CD9: variants seen among roughly 807,000 people sequenced by gnomAD.
CD9 encodes the protein CD9 molecule.
In CD9, 10 loss-of-function variants were observed where a neutral mutation model predicts 31.4. The observed-to-expected ratio is 0.32, with a 90% CI of 0.20 to 0.54. The LOEUF (loss-of-function observed/expected upper bound fraction) is 0.54, where lower values mean the gene tolerates loss of function less well. Among genes scored for constraint, CD9 ranks in the 20% least tolerant of loss-of-function variants. CD9 has a pLI of 0.94. For synonymous variants in CD9, 113 were observed against 114.1 expected, an observed-to-expected ratio of 0.99 and a Z score of 0.06; for missense variants, 259 against 300.1, an observed-to-expected ratio of 0.86 and a Z score of 1.01.
chr12:6,200,804 G>A (rs1946066358), intron 1 of CD9: 2 of 438,594 alleles, frequency 4.6e-6, no homozygotes, highest in Non-Finnish European at 8.0e-6. Context: ...GGCGTGGGGA[G>A]CCGGGCCCTC....
intron 2 of CD9, 39 bp downstream of exon 2, chr12:6,225,573 C>A: frequency 7.4e-7 from 1 of 1,359,732 alleles, no homozygotes; most frequent in Non-Finnish European, 1.1e-6. Flanking sequence ...CAGACCCTGG[C>A]TCCAACAAAG....
chr12:6,212,352 G>A (rs1946202185), intron 1 of CD9, among the ~76,000 whole-genome samples: 1 of 152,328 alleles, frequency 6.6e-6, no homozygotes, highest in Non-Finnish European at 1.5e-5. Flanking sequence ...GCAGGGCCTT[G>A]TAGTGTAATT....
rs1946352729 is a variant in CD9 at position 6,225,479 on chromosome 12, G to A, written c.120G>A (p.Gln40=). 1.2e-6 allele frequency: 2 copies of A among 1,613,950 alleles called. No homozygotes were observed. Among genetic ancestry groups the A allele is most frequent in the Non-Finnish European group, 1.7e-6 (2 of 1,179,846 alleles). Residue 40 remains glutamine (Q), a synonymous_variant, in exon 2 of 8, where the codon CAG becomes CAA. Transcript: ENST00000009180. ...AIGLWLRFDS[Q]TKSIFEQETN... ...GACTATGGCTCCGATTCGACTCTCA[G>A]ACCAAGAGCATCTTCGAGCAAGAAA...
At chr12:6,237,417 C>A (rs531870408) in intron 7 of CD9, among the ~76,000 whole-genome samples, 2 of 152,264 alleles carry the variant, frequency 1.3e-5, no homozygotes, top group East Asian at 3.9e-4. Flanking sequence ...ATAACATACA[C>A]ACAAAGACAA....
chr12:6,226,372 T>C (rs1303282498), intron 2 of CD9: 1 of 152,242 alleles, frequency 6.6e-6, no homozygotes, highest in East Asian at 1.9e-4. Context: ...TAGGAAACTT[T>C]TCATTTGTGA....
chr12:6,237,825 C>A lies in CD9; in HGVS notation c.684C>A (p.Val228=). The A allele has an allele frequency of 6.2e-7, 1 of 1,610,054 alleles. No individual in the cohort carries two copies. Among genetic ancestry groups the A allele is most frequent in the Non-Finnish European group, 8.5e-7 (1 of 1,176,404 alleles). ...CCAIRRNREM[V] ...CTATCCGCAGGAACCGCGAGATGGT[C>A]TAGAGTCAGCTTACATCCCTGAGCA... The change falls in exon 8 of 8, where the codon GTC becomes GTA. Residue 228 remains valine (V), a synonymous_variant. Transcript: ENST00000009180.
At chr12:6,225,603 C>T in intron 2 of CD9, 69 bp downstream of exon 2, 1 of 944,562 alleles carries the variant, frequency 1.1e-6, no homozygotes, top group East Asian at 2.4e-5. Flanking sequence ...CTTTGGAGGC[C>T]CCATGTTGAC....
At chr12:6,209,965 G>T (rs566054946) in intron 1 of CD9, among the ~76,000 whole-genome samples, 2 of 152,282 alleles carry the variant, frequency 1.3e-5, no homozygotes, top group East Asian at 3.9e-4. Flanking sequence ...GATTACAGGC[G>T]TGAGTCACCG....
intron 1 of CD9, among the ~76,000 whole-genome samples, chr12:6,209,484 G>A (rs1269770026): frequency 2.6e-5 from 4 of 152,096 alleles, no homozygotes; most frequent in Admixed American, 2.6e-4. Flanking sequence ...GCTCTCCATG[G>A]TGCAATGTAA....
At position 6,231,133 on chromosome 12, in the gene CD9, C is replaced by A. The variant is rs571722897; in HGVS notation, c.176-1499C>A. On this transcript the variant is annotated intron_variant, in intron 2 of 7. Coordinates refer to ENST00000009180, the MANE Select transcript of CD9 (RefSeq NM_001769.4). ...TCTCTCTCGCGTGCGTGTTTTCAGCCCCTACATCAAGGATATCTCTCTGGT... is the reference window on the plus strand; with the variant it reads ...TCTCTCTCGCGTGCGTGTTTTCAGCACCTACATCAAGGATATCTCTCTGGT... Among the ~76,000 whole-genome samples the A allele has an allele frequency of 2.0e-5, 3 of 152,236 alleles. No homozygotes were observed. The East Asian group carries it at 5.8e-4, about 29-fold the overall frequency.
At chr12:6,200,620 C>G in intron 1 of CD9, 55 bp downstream of exon 1, 2 of 1,262,662 alleles carry the variant, frequency 1.6e-6, no homozygotes, top group Middle Eastern at 1.9e-4. Context: ...TTCGCGGGCC[C>G]CGGACACTGG....
chr12:6,205,547 C>T (rs1199736612), intron 1 of CD9, among the ~76,000 whole-genome samples: 1 of 152,214 alleles, frequency 6.6e-6, no homozygotes, highest in Non-Finnish European at 1.5e-5. Context: ...TCACCCCTTC[C>T]TCCAGGAGCA....
intron 2 of CD9, among the ~76,000 whole-genome samples, chr12:6,228,759 TAG>T (rs1222809629): frequency 1.3e-5 from 2 of 152,190 alleles, no homozygotes; most frequent in African/African-American, 4.8e-5. Flanking sequence ...GCCCTTCTCC[TAG>T]CAGATGAGCT....
chr12:6,225,380 G>T (rs1946351188), intron 1 of CD9, 46 bp from the exon 2 acceptor site: 1 of 1,312,424 alleles, frequency 7.6e-7, no homozygotes. Context: ...GGACTGTGTT[G>T]TTGCTGGCAG....
intron 1 of CD9, among the ~76,000 whole-genome samples, chr12:6,212,268 TC>T (rs1166748294): frequency 6.6e-6 from 1 of 152,206 alleles, no homozygotes; most frequent in African/African-American, 2.4e-5. Context: ...GGAGCCTGTT[TC>T]TTCATCTCTC....
intron 1 of CD9, among the ~76,000 whole-genome samples, chr12:6,206,299 C>T (rs2136601160): frequency 6.6e-6 from 1 of 152,012 alleles, no homozygotes; most frequent in East Asian, 1.9e-4. Context: ...TCATGGCTCA[C>T]TGCAAACTCA....
chr12:6,231,520 C>T lies in CD9; in HGVS notation c.176-1112C>T, dbSNP rs1481844389. Among the ~76,000 whole-genome samples the T allele has an allele frequency of 2.6e-5, 4 of 152,314 alleles. 1 individual carries two copies. The highest frequency in any genetic ancestry group is 2.6e-4 in the Admixed American group (4 of 15,296). On this transcript the variant is annotated intron_variant, in intron 2 of 7. Transcript: ENST00000009180. ...TTGGGACCCATGTAGGGCTGGGGTG[C>T]TGATTAAGGGAATAGTCCCTGCAGG...
intron 2 of CD9, 56 bp downstream of exon 2, chr12:6,225,590 C>CA (rs1485611388): frequency 8.4e-7 from 1 of 1,184,938 alleles, no homozygotes; most frequent in Non-Finnish European, 1.3e-6. Flanking sequence ...AAAGTTCCTG[C>CA]AACTTTGGAG....
At chr12:6,200,253 G>T (rs1428600157), upstream of CD9, 1 of 202,278 alleles carries the variant, frequency 4.9e-6, no homozygotes, top group Non-Finnish European at 9.8e-6. Context: ...GGGGGCGGGG[G>T]GGGTGCGGCC....
Sources: gnomAD v4.1 joint callset for allele counts (sites outside exome capture counted in the v4.1 genomes callset) on GRCh38, gnomAD v4.1.1 for gene constraint, MANE v1.5 for transcripts, NCBI Gene and HGNC (gene_info 2026-07-23, HGNC 2026-07-21) for gene names.